The following PYROXD1 variants were observed in gnomAD, a reference collection of about 807,000 sequenced individuals.
PYROXD1 encodes tRNA ligase complex-associated NAD(P)H dehydrogenase PYROXD1.
In PYROXD1, 42 loss-of-function variants were observed where a neutral mutation model predicts 62.0. That is an observed-to-expected ratio of 0.68 (90% CI 0.53 to 0.88). PYROXD1 has a LOEUF of 0.88. Ranked by LOEUF, PYROXD1 falls within the 40% of genes least tolerant of loss-of-function variation. The probability of loss-of-function intolerance (pLI) is 0.00; values close to 1 mark genes in which losing one functional copy is unlikely to be tolerated. For synonymous variants in PYROXD1, 170 were observed against 206.4 expected (o/e 0.82, Z 1.51); for missense variants, 493 against 604.8 (o/e 0.82, Z 1.94).
chr12:21,462,514 T>C (rs1442979242), intron 9 of PYROXD1, among the ~76,000 whole-genome samples: 1 of 152,188 alleles, frequency 6.6e-6, no homozygotes, highest in African/African-American at 2.4e-5. Flanking sequence ...CACATGGTTA[T>C]TGGATACTTT....
At chr12:21,461,180 T>C (rs751478894) in intron 8 of PYROXD1, 26 bp downstream of exon 8, 5 of 1,391,298 alleles carry the variant, frequency 3.6e-6, no homozygotes, top group South Asian at 1.6e-5. Context: ...AGAAAAAATA[T>C]ATATAACCAC....
At position 21,464,565 on chromosome 12, in the gene PYROXD1, C is replaced by T. The variant is rs151283658; in HGVS notation, c.1116+1703C>T. On this transcript the variant is annotated intron_variant, in intron 10 of 11. Coordinates refer to ENST00000240651, the MANE Select transcript of PYROXD1 (RefSeq NM_024854.5). ...GCACATACAGGGAGGTAGAAGGAAA[C>T]CAAGTGCTTATTATACGCTAACCTG... 7.3e-4 allele frequency among the ~76,000 whole-genome samples: 111 copies of T among 152,104 alleles called. No individual in the cohort carries two copies. In the South Asian group the frequency reaches 9.3e-3, roughly 13 times the overall value.
rs1369156441 is a variant in PYROXD1 at position 21,468,553 on chromosome 12, T to C, written c.1302T>C (p.His434=). 5.0e-6 allele frequency: 8 copies of C among 1,612,828 alleles called. No homozygotes were observed. Among genetic ancestry groups the C allele is most frequent in the Non-Finnish European group, 6.8e-6 (8 of 1,179,140 alleles). ...ATGCACAGGGCTTAGGTTCAGATCA[T>C]GAATTAATGCTGAGATGTACCAAAG... ...KYNAQGLGSD[H]ELMLRCTKGR... is the part of the protein sequence containing the mutation. The change falls in exon 12 of 12, where the codon CAT becomes CAC. Residue 434 remains histidine (H), a synonymous_variant. Transcript: ENST00000240651.
chr12:21,456,246 T>G lies in PYROXD1; in HGVS notation c.750+151T>G, dbSNP rs11046066. ...GTTAGGAAAAGACCTCCAATGCAGT[T>G]GGTCCATTTGGCCACCAAAGAAAAC... On this transcript the variant is annotated intron_variant, in intron 7 of 11. Coordinates refer to ENST00000240651, the MANE Select transcript of PYROXD1 (RefSeq NM_024854.5). 0.11 allele frequency: 60,600 copies of G among 572,340 alleles called. 3,968 individuals carry two copies. The highest frequency in any genetic ancestry group is 0.28 in the East Asian group (9,331 of 33,366). 35.5% of individuals were successfully genotyped at this position (572,340 alleles called of 1,614,324 possible).
rs1485788448 is a variant in PYROXD1, at chr12:21,468,519, G to A, written c.1268G>A (p.Gly423Glu). Residue 423 changes from glycine to glutamate, a missense_variant, in exon 12 of 12, where the codon GGA becomes GAA. Physicochemically the swap from Gly to Glu is moderately conservative, Grantham distance 98 (BLOSUM62 -2). Around this residue, in one of 2 missense-constraint regions of PYROXD1, gnomAD observed 329 missense variants for 446.6 expected, o/e 0.74. Coordinates refer to ENST00000240651, the MANE Select transcript of PYROXD1 (RefSeq NM_024854.5). ...KFFNYKVVLL[G>E]KYNAQGLGSD... ...CTCTAAATATAGGTTGTACTGCTGG[G>A]AAAATACAATGCACAGGGCTTAGGT... The A allele has an allele frequency of 6.2e-7, 1 of 1,612,054 alleles. No individual in the cohort carries two copies.
rs1942950678 is a variant in PYROXD1, at chr12:21,471,198, T to C, written c.*2444T>C. The C allele has an allele frequency of 3.3e-6, 4 of 1,204,242 alleles. No individual in the cohort carries two copies. Among genetic ancestry groups the C allele is most frequent in the Admixed American group, 5.4e-5 (2 of 37,302 alleles). 74.6% of individuals were successfully genotyped at this position (1,204,242 alleles called of 1,614,324 possible). The stretch of plus-strand genomic sequence containing the variant: ...TATATGCGCAGTAATTCTTAACACA[T>C]TGACTTGAAATAATAAAATTTACAA... On this transcript the variant is annotated 3_prime_UTR_variant, in exon 12 of 12. Transcript: ENST00000240651.
chr12:21,452,130 A>G lies in PYROXD1; in HGVS notation c.464A>G (p.Asn155Ser), dbSNP rs781565158. The change falls in exon 5 of 12, where the codon AAC (asparagine) becomes AGC (serine). Residue 155 changes from asparagine (N) to serine (S), a missense_variant. Transcript: ENST00000240651. ...TKAKRIMIIGNGGIALELVYE... is the reference protein window; with the variant it reads ...TKAKRIMIIGSGGIALELVYE... ...GCTAAAAGAATAATGATCATAGGGAACGGTGGTATTGCACTTGAGTTAGTG... is the reference window on the plus strand; with the variant it reads ...GCTAAAAGAATAATGATCATAGGGAGCGGTGGTATTGCACTTGAGTTAGTG... 24 of 1,584,672 alleles carry G rather than the reference A, an allele frequency of 1.5e-5. No individual in the cohort carries two copies. In the Middle Eastern group the frequency reaches 8.9e-4, roughly 59 times the overall value.
At position 21,455,276 on chromosome 12, in the gene PYROXD1, C is replaced by G. The variant is rs1175472335; in HGVS notation, c.633C>G (p.Thr211=). 4 of 1,559,610 alleles carry G rather than the reference C, an allele frequency of 2.6e-6. No homozygotes were observed. Among genetic ancestry groups the G allele is most frequent in the Non-Finnish European group, 3.5e-6 (4 of 1,153,814 alleles). ...KSEAKIAHKR[T]RYTTEGRKKE... ...AGGCTAAAATTGCACATAAAAGAACCAGATATACAACTGAAGGTAAGTGTA... is the reference window on the plus strand; with the variant it reads ...AGGCTAAAATTGCACATAAAAGAACGAGATATACAACTGAAGGTAAGTGTA... Residue 211 remains threonine (T), a synonymous_variant, in exon 6 of 12, where the codon ACC becomes ACG. Transcript: ENST00000240651.
chr12:21,461,191 T>G (rs769909158), intron 8 of PYROXD1, 37 bp downstream of exon 8: 8 of 1,280,226 alleles, frequency 6.2e-6, no homozygotes, highest in Non-Finnish European at 7.3e-6. Flanking sequence ...ATATAACCAC[T>G]TAATTAAAAG....
chr12:21,458,548 A>T (rs909312482), intron 7 of PYROXD1, among the ~76,000 whole-genome samples: 2 of 152,182 alleles, frequency 1.3e-5, no homozygotes, highest in African/African-American at 4.8e-5. Context: ...GCCTTCCTCA[A>T]TAACCCTAAT....
At chr12:21,445,869 A>G (rs1285238170) in intron 3 of PYROXD1, among the ~76,000 whole-genome samples, 9 of 152,164 alleles carry the variant, frequency 5.9e-5, no homozygotes, top group Admixed American at 2.0e-4. Context: ...CAAAGCTCTG[A>G]TATCAGGGCT....
At position 21,437,728 on chromosome 12, in the gene PYROXD1, A is replaced by G; in HGVS notation, c.-3A>G. The stretch of plus-strand genomic sequence containing the variant: ...TTCAGTAAACCACTGGGAGTCCGGC[A>G]GCATGGAGGCAGCGCGCCCTCCCCC... On this transcript the variant is annotated 5_prime_UTR_variant, in exon 1 of 12. Coordinates refer to ENST00000240651, the MANE Select transcript of PYROXD1 (RefSeq NM_024854.5). 6.2e-7 allele frequency: 1 copy of G among 1,611,432 alleles called. No individual in the cohort carries two copies. The highest frequency in any genetic ancestry group is 1.3e-5 in the African/African-American group (1 of 75,004).
chr12:21,457,265 C>G (rs1942615095), intron 7 of PYROXD1, among the ~76,000 whole-genome samples: 1 of 152,150 alleles, frequency 6.6e-6, no homozygotes, highest in Non-Finnish European at 1.5e-5. Flanking sequence ...TTATGAAATG[C>G]ATTTCTTTAA....
At chr12:21,467,232 A>T (rs1942812953) in intron 10 of PYROXD1, 1 of 345,242 alleles carries the variant, frequency 2.9e-6, no homozygotes. Flanking sequence ...GTTTCATAAT[A>T]TTTAATAGAA....
At position 21,468,910 on chromosome 12, in the gene PYROXD1, T is replaced by C. The variant is rs1467939676; in HGVS notation, c.*156T>C. The C allele has an allele frequency of 8.3e-6, 6 of 722,680 alleles. No individual in the cohort carries two copies. Among genetic ancestry groups the C allele is most frequent in the Admixed American group, 3.1e-5 (1 of 31,960 alleles). 44.8% of individuals were successfully genotyped at this position (722,680 alleles called of 1,614,324 possible). A position where few individuals can be genotyped will look rare whatever the true frequency, so the allele number is the denominator to read the frequency against. The stretch of plus-strand genomic sequence containing the variant: ...TGGAAAAATATAAAAACATAAATTC[T>C]AAGTTTGAAATCAGTTCAAAGTTTA... On this transcript the variant is annotated 3_prime_UTR_variant, in exon 12 of 12. Transcript: ENST00000240651.
intron 7 of PYROXD1, among the ~76,000 whole-genome samples, 164 bp downstream of exon 7, chr12:21,456,259 C>A (rs1009316630): frequency 6.6e-6 from 1 of 152,064 alleles, no homozygotes; most frequent in Admixed American, 6.6e-5. Flanking sequence ...TCCATTTGGC[C>A]ACCAAAGAAA....
chr12:21,446,124 C>T (rs1426121113), intron 3 of PYROXD1, among the ~76,000 whole-genome samples: 1 of 152,164 alleles, frequency 6.6e-6, no homozygotes, highest in African/African-American at 2.4e-5. Context: ...TAATGTCACA[C>T]TATAAGAAGT....
intron 5 of PYROXD1, among the ~76,000 whole-genome samples, chr12:21,453,927 A>C (rs1435950517): frequency 6.6e-6 from 1 of 152,066 alleles, no homozygotes. Context: ...TACAAACTTT[A>C]TTACCAAATT....
rs74067191 is a variant in PYROXD1, at chr12:21,469,993, T to C, written c.*1239T>C. On this transcript the variant is annotated 3_prime_UTR_variant, in exon 12 of 12. Transcript: ENST00000240651. ...ACATAAAAATTTTTCCCTTGTTTTA[T>C]ACTGGAAAATTATATAATTCATGAT... 7.0e-3 allele frequency: 4,648 copies of C among 660,224 alleles called. 129 individuals carry two copies. The highest frequency in any genetic ancestry group is 0.067 in the African/African-American group (3,530 of 52,606). 40.9% of individuals were successfully genotyped at this position (660,224 alleles called of 1,614,324 possible). A position where few individuals can be genotyped will look rare whatever the true frequency, so the allele number is the denominator to read the frequency against.
Sources: gnomAD v4.1 joint callset for allele counts (sites outside exome capture counted in the v4.1 genomes callset) on GRCh38, gnomAD v4.1.1 for gene constraint, gnomAD v4.1.1 regional missense constraint, MANE v1.5 for transcripts, NCBI Gene and HGNC (gene_info 2026-07-23, HGNC 2026-07-21) for gene names.